RYR3: variants seen among roughly 807,000 people sequenced by gnomAD.
RYR3 encodes the protein ryanodine receptor 3, also known as brain ryanodine receptor-calcium release channel.
In RYR3, 207 loss-of-function variants were observed where a neutral mutation model predicts 584.3. The observed-to-expected ratio is 0.35, with a 90% CI of 0.32 to 0.40. The LOEUF is 0.40. Among genes scored for constraint, RYR3 ranks in the 10% least tolerant of loss-of-function variants. The probability of loss-of-function intolerance (pLI) is 1.00; values close to 1 mark genes in which losing one functional copy is unlikely to be tolerated. For synonymous variants in RYR3, 2,416 were observed against 2,248.5 expected, an observed-to-expected ratio of 1.07 and a Z score of -2.11; for missense variants, 5,616 against 6,089.2, an observed-to-expected ratio of 0.92 and a Z score of 2.59.
intron 1 of RYR3, among the ~76,000 whole-genome samples, chr15:33,464,253 A>G (rs2048266796): frequency 6.6e-6 from 1 of 151,854 alleles, no homozygotes; most frequent in Non-Finnish European, 1.5e-5. Context: ...GGCCTTTCTG[A>G]CAAGGCAACA....
intron 90 of RYR3, among the ~76,000 whole-genome samples, chr15:33,841,144 G>A (rs971980871): frequency 6.6e-6 from 1 of 152,114 alleles, no homozygotes; most frequent in Non-Finnish European, 1.5e-5. Flanking sequence ...TTGAGCCCAG[G>A]AGGTCGAGGC....
intron 10 of RYR3, among the ~76,000 whole-genome samples, chr15:33,559,032 A>G (rs1346038803): frequency 3.3e-5 from 5 of 152,154 alleles, no homozygotes; most frequent in African/African-American, 1.2e-4. Flanking sequence ...GGGAGTTGCT[A>G]TTAGTTGTCT....
intron 4 of RYR3, among the ~76,000 whole-genome samples, chr15:33,531,492 A>G (rs1036369757): frequency 6.6e-6 from 1 of 152,074 alleles, no homozygotes; most frequent in Non-Finnish European, 1.5e-5. Context: ...CTCTAGCCCT[A>G]GTGGAAAACT....
Position 33,540,867 on chromosome 15 carries a change from G to A in RYR3, c.623G>A (p.Cys208Tyr). The stretch of plus-strand genomic sequence containing the variant: ...ACACTCTGGAATGTACATCCTACGT[G>A]CTCAGGAAGTAGCATCGAAGAAGGT... ...MQTLWNVHPT[C>Y]SGSSIEEGYL... Residue 208 changes from cysteine (C) to tyrosine (Y), a missense_variant, in exon 7 of 104, where the codon TGC becomes TAC. Cys to Tyr is a radical substitution (Grantham distance 194). Coordinates refer to ENST00000634891, the MANE Select transcript of RYR3 (RefSeq NM_001036.6). 1 of 1,611,344 alleles carries A rather than the reference G, an allele frequency of 6.2e-7. No individual in the cohort carries two copies. The highest frequency in any genetic ancestry group is 8.5e-7 in the Non-Finnish European group (1 of 1,177,710).
At chr15:33,832,971 G>A (rs1350246951) in intron 86 of RYR3, among the ~76,000 whole-genome samples, 1 of 141,738 alleles carries the variant, frequency 7.1e-6, no homozygotes, top group Non-Finnish European at 1.5e-5. Flanking sequence ...TTGCACCTTT[G>A]CACTCCAGCC....
rs1176056713 is a variant in RYR3, at chr15:33,854,803, T to C, written c.13898T>C (p.Val4633Ala). 3 of 1,613,738 alleles carry C rather than the reference T, an allele frequency of 1.9e-6. No individual in the cohort carries two copies. The highest frequency in any genetic ancestry group is 2.5e-6 in the Non-Finnish European group (3 of 1,179,798). ...LYLAWYTTMSVLGHYNNFFFA... is the reference protein window; with the variant it reads ...LYLAWYTTMSALGHYNNFFFA... Reference sequence around the variant, plus strand: ...CTTGCCTGGTATACAACCATGTCAGTCCTGGGCCACTACAATAACTTCTTC... The same window carrying C: ...CTTGCCTGGTATACAACCATGTCAGCCCTGGGCCACTACAATAACTTCTTC... Residue 4633 changes from valine to alanine, a missense_variant, in exon 98 of 104, where the codon GTC (valine) becomes GCC (alanine). Val to Ala is a moderately conservative substitution (Grantham distance 64, BLOSUM62 0). This residue lies in a region of RYR3 where 918 missense variants were observed against 887.4 expected (regional missense o/e 1.03). Transcript: ENST00000634891.
chr15:33,657,439 T>C (rs2062883235), intron 32 of RYR3, among the ~76,000 whole-genome samples: 1 of 152,246 alleles, frequency 6.6e-6, no homozygotes, highest in Non-Finnish European at 1.5e-5. Flanking sequence ...CCACAGGAGC[T>C]CTGCTCCCTT....
chr15:33,679,419 A>G (rs956628100), intron 38 of RYR3, among the ~76,000 whole-genome samples: 5 of 152,184 alleles, frequency 3.3e-5, no homozygotes, highest in African/African-American at 1.2e-4. Flanking sequence ...CTGTTAGGAA[A>G]AGCAAGCTGG....
chr15:33,348,529 G>T (rs1282673311), intron 1 of RYR3, among the ~76,000 whole-genome samples: 1 of 152,278 alleles, frequency 6.6e-6, no homozygotes, highest in Non-Finnish European at 1.5e-5. Context: ...AGGCTGGAGT[G>T]CAATGGCATG....
At chr15:33,786,370 C>T (rs963487700) in intron 66 of RYR3, among the ~76,000 whole-genome samples, 1 of 152,158 alleles carries the variant, frequency 6.6e-6, no homozygotes, top group Non-Finnish European at 1.5e-5. Context: ...ATAAAACTCA[C>T]TGCCATCTGA....
At chr15:33,496,919 T>C (rs2078173232) in intron 2 of RYR3, among the ~76,000 whole-genome samples, 2 of 151,032 alleles carry the variant, frequency 1.3e-5, no homozygotes, top group African/African-American at 2.4e-5. Context: ...TTTCTTCAAA[T>C]AGGTAAAAAA....
intron 30 of RYR3, among the ~76,000 whole-genome samples, chr15:33,647,666 C>G (rs1171395113): frequency 6.6e-6 from 1 of 152,150 alleles, no homozygotes; most frequent in Non-Finnish European, 1.5e-5. Context: ...AGCAAAAGCT[C>G]TACCTGGAGC....
At chr15:33,737,930 A>C (rs909036495) in intron 49 of RYR3, among the ~76,000 whole-genome samples, 43 of 152,214 alleles carry the variant, frequency 2.8e-4, no homozygotes, top group African/African-American at 9.2e-4. Context: ...CTGGGGTGTG[A>C]GAGAGGGGAG....
chr15:33,416,825 C>T (rs561174021), intron 1 of RYR3, among the ~76,000 whole-genome samples: 3 of 152,150 alleles, frequency 2.0e-5, no homozygotes, highest in Admixed American at 1.3e-4. Flanking sequence ...GGTGTGAGGT[C>T]GTACATTTAA....
intron 100 of RYR3, among the ~76,000 whole-genome samples, chr15:33,860,270 G>A (rs552163253): frequency 6.6e-6 from 1 of 152,258 alleles, no homozygotes; most frequent in East Asian, 1.9e-4. Flanking sequence ...AGAGGTGCTA[G>A]GAGAAGAGGG....
At chr15:33,680,441 G>T (rs2064504933) in intron 38 of RYR3, among the ~76,000 whole-genome samples, 1 of 152,202 alleles carries the variant, frequency 6.6e-6, no homozygotes, top group Admixed American at 6.5e-5. Flanking sequence ...CAGTCATCTT[G>T]CTTCTTGTTC....
At position 33,383,348 on chromosome 15, in the gene RYR3, G is replaced by C. The variant is rs564147730; in HGVS notation, c.51+72252G>C. ...AAAAATAGAAAAAGGCCAGAAAAAT[G>C]AATGCAGTTTTGAGATACGCCACAC... is the stretch of plus-strand genomic sequence containing the variant. On this transcript the variant is annotated intron_variant, in intron 1 of 103. Coordinates refer to ENST00000634891, the MANE Select transcript of RYR3 (RefSeq NM_001036.6). Among the ~76,000 whole-genome samples, 5 of 149,572 alleles carry C rather than the reference G, an allele frequency of 3.3e-5. 1 individual carries two copies. The South Asian group carries it at 1.1e-3, about 33-fold the overall frequency.
intron 16 of RYR3, among the ~76,000 whole-genome samples, chr15:33,586,864 G>A (rs2058875105): frequency 6.6e-6 from 1 of 152,122 alleles, no homozygotes; most frequent in Non-Finnish European, 1.5e-5. Flanking sequence ...CACACACGGG[G>A]ACTATCGTGC....
chr15:33,598,734 G>T lies in RYR3; in HGVS notation c.1789-2685G>T, dbSNP rs140759097. On this transcript the variant is annotated intron_variant, in intron 16 of 103. Transcript: ENST00000634891. ...TGGAAGCAGGAAAACTTGCCTTCCT[G>T]TTGGAAGCAAGTAAAACTAAAAAAA... 7.4e-3 allele frequency among the ~76,000 whole-genome samples: 1,085 copies of T among 146,718 alleles called. 12 individuals are homozygous for T. The highest frequency in any genetic ancestry group is 0.026 in the African/African-American group (1,023 of 39,816).
Sources: allele counts gnomAD v4.1 joint callset (sites outside exome capture counted in the v4.1 genomes callset), GRCh38; gene constraint gnomAD v4.1.1; regional missense constraint gnomAD v4.1.1; transcripts MANE v1.5; gene names NCBI Gene and HGNC (gene_info 2026-07-23, HGNC 2026-07-21).